Variants in RPS6KC1 observed in about 807,000 individuals in gnomAD.
RPS6KC1 encodes the protein ribosomal protein S6 kinase C1, also known as inactive ribosomal protein S6 kinase delta-1.
Under a neutral mutation model 103.8 loss-of-function variants are expected in RPS6KC1, and 54 were observed. The observed-to-expected ratio is 0.52, with a 90% confidence interval of 0.42 to 0.65. The LOEUF is 0.65. Ranked by LOEUF, RPS6KC1 falls within the 30% of genes least tolerant of loss-of-function variation. The probability of loss-of-function intolerance (pLI) is 0.00; values close to 1 mark genes in which losing one functional copy is unlikely to be tolerated. For missense variants in RPS6KC1, 1,151 were observed against 1,253.8 expected (o/e 0.92, Z 1.24); for synonymous variants, 439 against 438.7 (o/e 1.00, Z -0.01).
chr1:213,546,598 T>C, the RPS6KC1 span, among the ~76,000 whole-genome samples: 1 of 152,228 alleles, frequency 6.6e-6, no homozygotes, highest in Non-Finnish European at 1.5e-5. Flanking sequence ...CTTAAGTGTA[T>C]GAATTTAGAA....
At chr1:213,569,232 A>G in the RPS6KC1 span, among the ~76,000 whole-genome samples, 3 of 152,168 alleles carry the variant, frequency 2.0e-5, no homozygotes, top group Non-Finnish European at 4.4e-5. Context: ...GTTGTGAGCT[A>G]AAACCTAGTG....
the RPS6KC1 span, among the ~76,000 whole-genome samples, chr1:213,591,987 C>A: frequency 6.6e-6 from 1 of 152,136 alleles, no homozygotes; most frequent in Non-Finnish European, 1.5e-5. Flanking sequence ...TCAGCTTAGA[C>A]AATTTCCAAA....
the RPS6KC1 span, among the ~76,000 whole-genome samples, chr1:213,508,851 G>A: frequency 6.6e-6 from 1 of 152,124 alleles, no homozygotes; most frequent in Admixed American, 6.5e-5. Flanking sequence ...GTGTTTAGCA[G>A]GTGGATGCTG....
intron 6 of RPS6KC1, among the ~76,000 whole-genome samples, chr1:213,132,418 T>C (rs1484857618): frequency 1.3e-5 from 2 of 152,144 alleles, no homozygotes; most frequent in Non-Finnish European, 2.9e-5. Context: ...TTAACCAGTA[T>C]ATAAAAGAAC....
At chr1:213,677,512 T>G in the RPS6KC1 span, among the ~76,000 whole-genome samples, 1 of 152,198 alleles carries the variant, frequency 6.6e-6, no homozygotes, top group Non-Finnish European at 1.5e-5. Context: ...AAAACACTTG[T>G]GCCCAGACCC....
chr1:213,783,834 A>G, the RPS6KC1 span, among the ~76,000 whole-genome samples: 1 of 151,468 alleles, frequency 6.6e-6, no homozygotes, highest in African/African-American at 2.4e-5. Flanking sequence ...AAAAAAAAAA[A>G]AAAAAAAATC....
chr1:213,653,348 A>G, the RPS6KC1 span, among the ~76,000 whole-genome samples: 1 of 152,056 alleles, frequency 6.6e-6, no homozygotes, highest in Non-Finnish European at 1.5e-5. Context: ...AGTCCCAGCT[A>G]CTCAAGAGGC....
chr1:213,217,695 C>G lies in RPS6KC1; in HGVS notation c.1045-12802C>G, dbSNP rs894174168. On this transcript the variant is annotated intron_variant, in intron 8 of 14. Transcript: ENST00000366960. Reference sequence around the variant, plus strand: ...CACCATGATCAAGTGGGCTTCATCCCTGGGATGCAAGGCTGGTTCAACATA... The same window carrying G: ...CACCATGATCAAGTGGGCTTCATCCGTGGGATGCAAGGCTGGTTCAACATA... Among the ~76,000 whole-genome samples, 60 of 152,172 alleles carry G rather than the reference C, an allele frequency of 3.9e-4. 2 individuals are homozygous for G. The highest frequency in any genetic ancestry group is 3.3e-4 in the Admixed American group (5 of 15,270).
the RPS6KC1 span, among the ~76,000 whole-genome samples, chr1:213,374,867 G>A: frequency 1.3e-5 from 2 of 152,212 alleles, no homozygotes; most frequent in Non-Finnish European, 2.9e-5. Context: ...CCTTGGCCCT[G>A]GACCTCCAGG....
At chr1:213,630,015 C>T in the RPS6KC1 span, among the ~76,000 whole-genome samples, 4 of 152,208 alleles carry the variant, frequency 2.6e-5, no homozygotes, top group Non-Finnish European at 5.9e-5. Flanking sequence ...CTGTCCTTAA[C>T]ATTTTTTCCT....
the RPS6KC1 span, among the ~76,000 whole-genome samples, chr1:213,404,883 A>T: frequency 6.6e-6 from 1 of 152,190 alleles, no homozygotes; most frequent in Non-Finnish European, 1.5e-5. Flanking sequence ...CTTTTAAGCC[A>T]TGCAGAGTTT....
chr1:213,558,331 C>G, the RPS6KC1 span, among the ~76,000 whole-genome samples: 1 of 152,202 alleles, frequency 6.6e-6, no homozygotes, highest in African/African-American at 2.4e-5. Flanking sequence ...TCAGCCCTGG[C>G]TTGCGGCACC....
the RPS6KC1 span, among the ~76,000 whole-genome samples, chr1:213,310,381 A>T: frequency 2.0e-5 from 3 of 152,106 alleles, no homozygotes; most frequent in East Asian, 5.8e-4. Context: ...CGCTCCAGGC[A>T]TCTGTCTCTT....
chr1:213,581,053 A>AG, the RPS6KC1 span, among the ~76,000 whole-genome samples: 1 of 152,036 alleles, frequency 6.6e-6, no homozygotes, highest in Non-Finnish European at 1.5e-5. Flanking sequence ...GTTGGTACCA[A>AG]CTGGAGTCTT....
chr1:213,555,186 G>C, the RPS6KC1 span, among the ~76,000 whole-genome samples: 9 of 152,240 alleles, frequency 5.9e-5, no homozygotes, highest in Non-Finnish European at 8.8e-5. Context: ...CATCCAAAAG[G>C]CTACTACAAA....
chr1:213,262,639 G>C (rs1383561033), intron 13 of RPS6KC1, 82 bp from the exon 14 acceptor site: 2 of 903,386 alleles, frequency 2.2e-6, no homozygotes, highest in African/African-American at 1.6e-5. Flanking sequence ...TGAGCTCTCT[G>C]TACTTGCTGT....
chr1:213,553,715 T>C, the RPS6KC1 span, among the ~76,000 whole-genome samples: 1 of 152,176 alleles, frequency 6.6e-6, no homozygotes, highest in South Asian at 2.1e-4. Context: ...TTTTTAATAA[T>C]TGCCATTCAA....
At chr1:213,608,895 CATTT>C in the RPS6KC1 span, among the ~76,000 whole-genome samples, 1 of 152,138 alleles carries the variant, frequency 6.6e-6, no homozygotes, top group South Asian at 2.1e-4. Flanking sequence ...ATGTACCATT[CATTT>C]GACTATTTCT....
At chr1:213,570,015 A>G in the RPS6KC1 span, among the ~76,000 whole-genome samples, 2 of 152,230 alleles carry the variant, frequency 1.3e-5, no homozygotes, top group Non-Finnish European at 2.9e-5. Context: ...ACTTGGAGCT[A>G]GGAATGCAAG....
Sources: allele counts gnomAD v4.1 joint callset (sites outside exome capture counted in the v4.1 genomes callset), GRCh38; gene constraint gnomAD v4.1.1; transcripts MANE v1.5; gene names NCBI Gene and HGNC (gene_info 2026-07-23, HGNC 2026-07-21).